Variants in ITGA9 observed in about 807,000 individuals in gnomAD.
ITGA9 encodes integrin alpha-9.
ITGA9 carries 56 observed loss-of-function variants against 127.8 expected under a neutral mutation model. That is an observed-to-expected ratio of 0.44 (90% CI 0.35 to 0.55). ITGA9 has a LOEUF of 0.55. Ranked by LOEUF, ITGA9 falls within the 20% of genes least tolerant of loss-of-function variation. The pLI is 0.00. For missense variants in ITGA9, 1,196 were observed against 1,347.1 expected (o/e 0.89, Z 1.76); for synonymous variants, 508 against 514.5 (o/e 0.99, Z 0.17).
At chr3:37,609,085 C>T (rs1015273770) in intron 15 of ITGA9, among the ~76,000 whole-genome samples, 7 of 152,186 alleles carry the variant, frequency 4.6e-5, no homozygotes, top group Non-Finnish European at 1.0e-4. Context: ...ATGAGAATCA[C>T]ACCATTGTCC....
rs1242029103 is a variant in ITGA9 at position 37,452,237 on chromosome 3, G to C, written c.-138G>C. ...CCCGCCGTCCGCGCCCCGGTGGCGG[G>C]CCCGACGCCCGCATTCCGCCCGTGT... is the stretch of plus-strand genomic sequence containing the variant. On this transcript the variant is annotated 5_prime_UTR_variant, in exon 1 of 28. Coordinates refer to ENST00000264741, the MANE Select transcript of ITGA9 (RefSeq NM_002207.3). This position sits in a 1 kb window ranked among gnomAD's most constrained non-coding sequence, Gnocchi z 7.3. 2 of 301,066 alleles carry C rather than the reference G, an allele frequency of 6.6e-6. No homozygotes were observed. The highest frequency in any genetic ancestry group is 2.3e-5 in the African/African-American group (1 of 43,726). The allele number at this position is 301,066 out of a possible 1,614,324, so 18.6% of individuals were successfully genotyped here. A position where few individuals can be genotyped will look rare whatever the true frequency, so the allele number is the denominator to read the frequency against.
intron 15 of ITGA9, among the ~76,000 whole-genome samples, chr3:37,557,212 G>T (rs1699439622): frequency 6.6e-6 from 1 of 152,186 alleles, no homozygotes; most frequent in Non-Finnish European, 1.5e-5. Flanking sequence ...GGGGCAAACA[G>T]AATACGAGAA....
intron 18 of ITGA9, among the ~76,000 whole-genome samples, chr3:37,710,570 G>A (rs1302050167): frequency 1.3e-5 from 2 of 152,184 alleles, no homozygotes; most frequent in Non-Finnish European, 2.9e-5. Context: ...TCTGAGTCCT[G>A]AACATCGGAG....
chr3:37,518,458 C>T (rs1428916489), intron 10 of ITGA9, among the ~76,000 whole-genome samples: 1 of 152,152 alleles, frequency 6.6e-6, no homozygotes, highest in African/African-American at 2.4e-5. Context: ...AGGTTTTGTT[C>T]TAGGAGTTGC....
At chr3:37,589,119 A>G (rs1297319131) in intron 15 of ITGA9, among the ~76,000 whole-genome samples, 1 of 152,228 alleles carries the variant, frequency 6.6e-6, no homozygotes, top group Non-Finnish European at 1.5e-5. Flanking sequence ...ATAAAATGGT[A>G]TCTGTAGGTA....
chr3:37,623,633 A>G (rs908275393), intron 15 of ITGA9, among the ~76,000 whole-genome samples: 1 of 152,058 alleles, frequency 6.6e-6, no homozygotes, highest in African/African-American at 2.4e-5. Flanking sequence ...CATTTCAAAC[A>G]TAAGTTCCAT....
chr3:37,452,627 G>A lies in ITGA9; in HGVS notation c.185+68G>A. ...CCGCCCCGGCCCCCAGGCCAGCGCCGCCGCCGCCTTTCCGGTCTCTTCCAC... is the reference window on the plus strand; with the variant it reads ...CCGCCCCGGCCCCCAGGCCAGCGCCACCGCCGCCTTTCCGGTCTCTTCCAC... On this transcript the variant is annotated intron_variant, in intron 1 of 27. Coordinates refer to ENST00000264741, the MANE Select transcript of ITGA9 (RefSeq NM_002207.3). The surrounding 1 kb of genome is among the most constrained non-coding windows in gnomAD (Gnocchi z 7.3). 2 of 1,328,368 alleles carry A rather than the reference G, an allele frequency of 1.5e-6. No individual in the cohort carries two copies. The highest frequency in any genetic ancestry group is 9.9e-7 in the Non-Finnish European group (1 of 1,012,704). The allele number at this position is 1,328,368 out of a possible 1,614,324, so 82.3% of individuals were successfully genotyped here.
At chr3:37,698,668 G>GT (rs911014261) in intron 18 of ITGA9, among the ~76,000 whole-genome samples, 10 of 151,988 alleles carry the variant, frequency 6.6e-5, no homozygotes, top group African/African-American at 1.2e-4. Flanking sequence ...TCGTGTGCAT[G>GT]TTTTTTTTCA....
At chr3:37,502,507 G>A (rs1006328531) in intron 5 of ITGA9, among the ~76,000 whole-genome samples, 13 of 152,134 alleles carry the variant, frequency 8.5e-5, no homozygotes, top group African/African-American at 3.1e-4. Flanking sequence ...GAGCCACTGC[G>A]CCCGGCCTTG....
chr3:37,515,933 T>C (rs1698980021), intron 9 of ITGA9, among the ~76,000 whole-genome samples: 1 of 152,164 alleles, frequency 6.6e-6, no homozygotes. Flanking sequence ...TATTGGTACC[T>C]GTTGCAGGAA....
chr3:37,751,780 T>A (rs1696589078), intron 23 of ITGA9, among the ~76,000 whole-genome samples: 1 of 152,076 alleles, frequency 6.6e-6, no homozygotes, highest in Admixed American at 6.5e-5. Flanking sequence ...CTGGCTGCAC[T>A]CTGTTCTTTG....
intron 7 of ITGA9, 93 bp downstream of exon 7, chr3:37,506,178 G>C: frequency 1.1e-6 from 1 of 939,942 alleles, no homozygotes. Flanking sequence ...ACATTGACCT[G>C]AACATTCTAC....
At chr3:37,738,296 T>G (rs1696389932) in intron 20 of ITGA9, among the ~76,000 whole-genome samples, 2 of 152,234 alleles carry the variant, frequency 1.3e-5, no homozygotes. Flanking sequence ...CAGAGGAGTC[T>G]GTTTTCAGGC....
At position 37,532,437 on chromosome 3, in the gene ITGA9, C is replaced by T. The variant is rs73828409; in HGVS notation, c.1374-877C>T. 2.1e-3 allele frequency among the ~76,000 whole-genome samples: 313 copies of T among 152,314 alleles called. 2 individuals are homozygous for T. The highest frequency in any genetic ancestry group is 7.0e-3 in the African/African-American group (289 of 41,556). On this transcript the variant is annotated intron_variant, in intron 13 of 27. Coordinates refer to ENST00000264741, the MANE Select transcript of ITGA9 (RefSeq NM_002207.3). ...TCATTGTTCTCAAGCTACTAATGCC[C>T]CTTAATCTTGTTATGTCACCCCAGT...
At chr3:37,488,129 A>C (rs982356826) in intron 4 of ITGA9, among the ~76,000 whole-genome samples, 1 of 152,118 alleles carries the variant, frequency 6.6e-6, no homozygotes, top group Admixed American at 6.5e-5. Context: ...TTTTGGTTAT[A>C]TAGATCAGAG....
chr3:37,592,217 CA>C (rs1425462644), intron 15 of ITGA9, among the ~76,000 whole-genome samples: 1 of 152,194 alleles, frequency 6.6e-6, no homozygotes, highest in Admixed American at 6.5e-5. Flanking sequence ...CCTGTATTAA[CA>C]CAATGCTAAC....
intron 18 of ITGA9, among the ~76,000 whole-genome samples, chr3:37,697,193 C>T (rs1354977415): frequency 6.6e-6 from 1 of 151,970 alleles, no homozygotes; most frequent in African/African-American, 2.4e-5. Context: ...GCTGTATTAC[C>T]AACAGGTAAT....
At chr3:37,751,959 C>T (rs1208021504) in intron 23 of ITGA9, among the ~76,000 whole-genome samples, 1 of 152,214 alleles carries the variant, frequency 6.6e-6, no homozygotes, top group African/African-American at 2.4e-5. Context: ...ACTGGCACAT[C>T]TCACTAAGCA....
intron 18 of ITGA9, among the ~76,000 whole-genome samples, chr3:37,687,165 T>C (rs1382853262): frequency 6.6e-6 from 1 of 152,118 alleles, no homozygotes; most frequent in East Asian, 1.9e-4. Context: ...AGTAGAACAA[T>C]AGACTGTATG....
Sources: gnomAD v4.1 joint callset for allele counts (sites outside exome capture counted in the v4.1 genomes callset) on GRCh38, gnomAD v4.1.1 for gene constraint, Gnocchi (gnomAD v3.1) non-coding constraint, MANE v1.5 for transcripts, NCBI Gene and HGNC (gene_info 2026-07-23, HGNC 2026-07-21) for gene names.